INPP4B: variants seen among roughly 807,000 people sequenced by gnomAD.
INPP4B encodes inositol polyphosphate 4-phosphatase type II.
Under a neutral mutation model 122.5 loss-of-function variants are expected in INPP4B, and 55 were observed. The ratio of observed to expected loss-of-function variants is 0.45; its 90% CI spans 0.36 to 0.56. The LOEUF is 0.56. INPP4B is among the 20% of genes least tolerant of loss of function. The probability of loss-of-function intolerance (pLI) is 0.00; values close to 1 mark genes in which losing one functional copy is unlikely to be tolerated. For synonymous variants in INPP4B, 403 were observed against 388.7 expected, an observed-to-expected ratio of 1.04 and a Z score of -0.43; for missense variants, 1,000 against 1,097.7, an observed-to-expected ratio of 0.91 and a Z score of 1.26.
chr4:142,826,491 T>C (rs1406632147), intron 1 of INPP4B, among the ~76,000 whole-genome samples: 2 of 137,024 alleles, frequency 1.5e-5, no homozygotes, highest in African/African-American at 5.6e-5. Context: ...ATTGTGTTCA[T>C]AAAATCACAC....
chr4:142,071,632 AT>A (rs1285640063), intron 25 of INPP4B, among the ~76,000 whole-genome samples: 18 of 152,334 alleles, frequency 1.2e-4, no homozygotes, highest in Admixed American at 1.2e-3. Flanking sequence ...ACTTCAGCAA[AT>A]TTACAAGAAA....
At chr4:142,422,955 A>G (rs1807254911) in intron 5 of INPP4B, among the ~76,000 whole-genome samples, 1 of 152,144 alleles carries the variant, frequency 6.6e-6, no homozygotes, top group Admixed American at 6.6e-5. Flanking sequence ...ATTGCATCCT[A>G]TGTGGTGAAG....
chr4:142,637,557 C>T (rs114348628), intron 2 of INPP4B, among the ~76,000 whole-genome samples: 1,747 of 152,218 alleles, frequency 0.011, 30 homozygotes, highest in African/African-American at 0.032. Flanking sequence ...GCATAGTATT[C>T]CATTGTCTGA....
chr4:142,223,973 C>T (rs79356886), intron 12 of INPP4B, among the ~76,000 whole-genome samples: 2 of 152,118 alleles, frequency 1.3e-5, no homozygotes, highest in Admixed American at 1.3e-4. Context: ...TAGCTGCTCC[C>T]TATTGCTTTT....
At chr4:142,773,041 CTAAAAAAAAGTTTAAAAAT>C (rs1309695001) in intron 1 of INPP4B, among the ~76,000 whole-genome samples, 1 of 151,394 alleles carries the variant, frequency 6.6e-6, no homozygotes, top group Non-Finnish European at 1.5e-5. Flanking sequence ...GAAACTTTGT[CTAAAAAAAAGTTTAAAAAT>C]TAAAAAAATA....
intron 18 of INPP4B, among the ~76,000 whole-genome samples, chr4:142,126,505 T>C (rs1005284721): frequency 1.3e-5 from 2 of 152,142 alleles, no homozygotes; most frequent in African/African-American, 2.4e-5. Context: ...AGTAATACTC[T>C]ATGAAATGCC....
chr4:142,749,896 C>A (rs1314539572), intron 1 of INPP4B, among the ~76,000 whole-genome samples: 2 of 151,666 alleles, frequency 1.3e-5, no homozygotes, highest in Admixed American at 6.6e-5. Context: ...TAATAAATCC[C>A]AAATCAGAGC....
At chr4:142,507,934 C>T (rs563174789) in intron 2 of INPP4B, among the ~76,000 whole-genome samples, 1 of 152,286 alleles carries the variant, frequency 6.6e-6, no homozygotes, top group South Asian at 2.1e-4. Context: ...ACATTCCCTT[C>T]AGCTAGACTA....
intron 16 of INPP4B, among the ~76,000 whole-genome samples, chr4:142,172,239 T>C (rs1311158084): frequency 6.6e-6 from 1 of 151,984 alleles, no homozygotes; most frequent in Non-Finnish European, 1.5e-5. Context: ...TCTGGAGTCA[T>C]CCAGATCTGG....
At chr4:142,244,093 G>A (rs1416540360) in intron 11 of INPP4B, among the ~76,000 whole-genome samples, 1 of 150,482 alleles carries the variant, frequency 6.6e-6, no homozygotes, top group Non-Finnish European at 1.5e-5. Context: ...CCCAGTGTGT[G>A]ATGTTTCCCT....
At chr4:142,168,179 A>T (rs1278332218) in intron 16 of INPP4B, among the ~76,000 whole-genome samples, 6 of 151,302 alleles carry the variant, frequency 4.0e-5, no homozygotes, top group Non-Finnish European at 8.9e-5. Context: ...TTCTATATTT[A>T]TTCTGTGTGG....
chr4:142,667,520 T>C (rs991199819), intron 2 of INPP4B, among the ~76,000 whole-genome samples: 6 of 152,198 alleles, frequency 3.9e-5, no homozygotes, highest in African/African-American at 1.4e-4. Context: ...TAGTCCTATC[T>C]TAGCTGCTTA....
intron 25 of INPP4B, among the ~76,000 whole-genome samples, chr4:142,048,484 A>T (rs1166987667): frequency 1.3e-5 from 2 of 152,112 alleles, no homozygotes; most frequent in Admixed American, 6.6e-5. Flanking sequence ...GAAGGATGGA[A>T]GAAGGGCATC....
chr4:142,695,947 C>T (rs562629496), intron 2 of INPP4B, among the ~76,000 whole-genome samples: 22 of 152,174 alleles, frequency 1.4e-4, no homozygotes, highest in South Asian at 2.1e-4. Context: ...AAGGGAAAGG[C>T]GGGCCAGGAT....
intron 7 of INPP4B, among the ~76,000 whole-genome samples, chr4:142,345,609 A>T (rs1479770930): frequency 6.6e-6 from 1 of 152,080 alleles, no homozygotes. Context: ...GGATTATAGC[A>T]CATTAATTAG....
intron 9 of INPP4B, among the ~76,000 whole-genome samples, chr4:142,303,002 C>T (rs186550032): frequency 6.6e-6 from 1 of 152,114 alleles, no homozygotes; most frequent in East Asian, 1.9e-4. Context: ...GCATTTTCCC[C>T]AATATATATA....
At chr4:142,279,090 A>G (rs989848742) in intron 9 of INPP4B, among the ~76,000 whole-genome samples, 22 of 152,124 alleles carry the variant, frequency 1.4e-4, no homozygotes, top group African/African-American at 5.3e-4. Context: ...AGTGACTATA[A>G]CAAAATATAT....
intron 7 of INPP4B, among the ~76,000 whole-genome samples, chr4:142,391,357 T>C (rs944922346): frequency 2.6e-5 from 4 of 152,094 alleles, no homozygotes; most frequent in Admixed American, 6.5e-5. Context: ...CAGGAGTTCA[T>C]GACCAGCTTG....
At chr4:142,044,709 G>C (rs145913403) in intron 25 of INPP4B, among the ~76,000 whole-genome samples, 1,888 of 152,268 alleles carry the variant, frequency 0.012, 127 homozygotes, top group Admixed American at 0.11. Context: ...AGAGAAAGGG[G>C]TAAGTAGGGA....
Sources: gnomAD v4.1 joint callset for allele counts (sites outside exome capture counted in the v4.1 genomes callset) on GRCh38, gnomAD v4.1.1 for gene constraint, MANE v1.5 for transcripts, NCBI Gene and HGNC (gene_info 2026-07-23, HGNC 2026-07-21) for gene names.